HEATR5A: variants seen among roughly 807,000 people sequenced by gnomAD.
HEATR5A encodes HEAT repeat containing 5A.
Under a neutral mutation model 218.8 loss-of-function variants are expected in HEATR5A, and 178 were observed. The ratio of observed to expected loss-of-function variants is 0.81; its 90% CI spans 0.72 to 0.92. The LOEUF is 0.92. Ranked by LOEUF, HEATR5A falls within the 40% of genes least tolerant of loss-of-function variation. The probability of loss-of-function intolerance (pLI) is 0.00; values close to 1 mark genes in which losing one functional copy is unlikely to be tolerated. For missense variants in HEATR5A, 2,420 were observed against 2,418.9 expected (o/e 1.00, Z -0.01); for synonymous variants, 864 against 871.6 (o/e 0.99, Z 0.15).
rs1487910978 is a variant in HEATR5A at position 31,293,310 on chromosome 14, G to A, written c.6136C>T (p.Leu2046Phe). 1.3e-6 allele frequency: 2 copies of A among 1,578,842 alleles called. No individual in the cohort carries two copies. Among genetic ancestry groups the A allele is most frequent in the Non-Finnish European group, 1.7e-6 (2 of 1,168,326 alleles). The change falls in exon 36 of 36, where the codon CTC (leucine) becomes TTC (phenylalanine). Residue 2046 changes from leucine to phenylalanine, a missense_variant. Leu to Phe is a conservative substitution (Grantham distance 22, BLOSUM62 0). Coordinates refer to ENST00000543095, the MANE Select transcript of HEATR5A (RefSeq NM_015473.4). The part of the protein sequence containing the change: ...NSSIQLKTSF[L>F] ...TTACTATTCCAAAAAAAAAATCAGA[G>A]GAAACTGGTCTTTAATTGGATGCTT...
chr14:31,298,717 G>A (rs1258383342), intron 33 of HEATR5A, among the ~76,000 whole-genome samples: 1 of 152,050 alleles, frequency 6.6e-6, no homozygotes, highest in Non-Finnish European at 1.5e-5. Flanking sequence ...TGCCTAGACA[G>A]GGACGCTGCT....
intron 21 of HEATR5A, among the ~76,000 whole-genome samples, chr14:31,341,229 C>T (rs8008358): frequency 0.86 from 130,423 of 152,096 alleles, 56,615 homozygotes; most frequent in Non-Finnish European, 0.94. Context: ...TACTTCAGAT[C>T]TTCTCACTTG....
chr14:31,377,847 G>A (rs1041754883), intron 11 of HEATR5A, among the ~76,000 whole-genome samples: 1 of 152,044 alleles, frequency 6.6e-6, no homozygotes, highest in Admixed American at 6.6e-5. Flanking sequence ...TAAGAAAAAT[G>A]AATAAAACCC....
chr14:31,341,636 T>C (rs1387658726), intron 21 of HEATR5A, among the ~76,000 whole-genome samples: 1 of 152,130 alleles, frequency 6.6e-6, no homozygotes, highest in East Asian at 1.9e-4. Flanking sequence ...TGGGCTCAAA[T>C]GATCCTTCTA....
At chr14:31,339,482 C>T (rs1237943776) in intron 21 of HEATR5A, among the ~76,000 whole-genome samples, 1 of 131,012 alleles carries the variant, frequency 7.6e-6, no homozygotes, top group East Asian at 2.3e-4. Context: ...AAAGAATGTA[C>T]AAGAAGAAAC....
chr14:31,393,199 T>A (rs1281595998), intron 6 of HEATR5A, among the ~76,000 whole-genome samples: 3 of 151,912 alleles, frequency 2.0e-5, no homozygotes, highest in Non-Finnish European at 4.4e-5. Flanking sequence ...ACAATTACTT[T>A]AAAAAAAATA....
At chr14:31,402,350 G>A (rs1200980998) in intron 2 of HEATR5A, among the ~76,000 whole-genome samples, 2 of 152,162 alleles carry the variant, frequency 1.3e-5, no homozygotes. Context: ...GTTACTAATT[G>A]CTGAATGTAG....
At chr14:31,370,006 A>T (rs1408423548) in intron 13 of HEATR5A, among the ~76,000 whole-genome samples, 1 of 151,062 alleles carries the variant, frequency 6.6e-6, no homozygotes, top group Non-Finnish European at 1.5e-5. Flanking sequence ...AGACAGGCGG[A>T]TAACGGTCAG....
intron 13 of HEATR5A, 62 bp downstream of exon 13, chr14:31,371,748 T>G (rs779218410): frequency 7.2e-5 from 49 of 676,538 alleles, no homozygotes; most frequent in Middle Eastern, 2.5e-4. Context: ...GCCTTATTAA[T>G]GTACTTAAGG....
chr14:31,309,796 G>C (rs1899678235), intron 28 of HEATR5A, among the ~76,000 whole-genome samples: 1 of 151,342 alleles, frequency 6.6e-6, no homozygotes, highest in Admixed American at 6.6e-5. Flanking sequence ...TCTGACTTCT[G>C]GGTTCAAGCG....
chr14:31,380,772 A>G (rs2029946446), intron 10 of HEATR5A, among the ~76,000 whole-genome samples, 194 bp from the exon 11 acceptor site: 1 of 152,268 alleles, frequency 6.6e-6, no homozygotes, highest in Non-Finnish European at 1.5e-5. Flanking sequence ...TCAAGGTTAA[A>G]TACTGGTATA....
At chr14:31,332,911 G>A (rs970167399) in intron 22 of HEATR5A, among the ~76,000 whole-genome samples, 11 of 151,624 alleles carry the variant, frequency 7.3e-5, no homozygotes, top group African/African-American at 1.5e-4. Flanking sequence ...GCTTGAACCC[G>A]GAAGACGGAG....
rs2139113463 is a variant in HEATR5A at position 31,292,437 on chromosome 14, A to AG, written c.*867_*868insC. 6.6e-6 allele frequency: 1 copy of AG among 152,352 alleles called. No individual in the cohort carries two copies. The highest frequency in any genetic ancestry group is 2.4e-5 in the African/African-American group (1 of 41,596). The allele number at this position is 152,352 out of a possible 1,614,324, so 9.4% of individuals were successfully genotyped here. A position where few individuals can be genotyped will look rare whatever the true frequency, so the allele number is the denominator to read the frequency against. The stretch of plus-strand genomic sequence containing the variant: ...TGGAAAACCATGATATAGACACCAA[A>AG]TCTTATGTTGCACTGTAAGGCTGTA... On this transcript the variant is annotated 3_prime_UTR_variant, in exon 36 of 36. Transcript: ENST00000543095.
In HEATR5A at chr14:31,333,996, C is replaced by T. The variant is rs147977789; in HGVS notation, c.3367+3480G>A. On this transcript the variant is annotated intron_variant, in intron 22 of 35. Coordinates refer to ENST00000543095, the MANE Select transcript of HEATR5A (RefSeq NM_015473.4). ...GAGGCTGAAGTGAGCCCAGGTCGTG[C>T]CACTGCACTCCAGCCAGGGCGACAG... Among the ~76,000 whole-genome samples the T allele has an allele frequency of 4.9e-5, 7 of 141,902 alleles. No individual in the cohort carries two copies. The East Asian group carries it at 1.5e-3, about 30-fold the overall frequency. The allele number at this position is 141,902 out of a possible 152,430, so 93.1% of individuals were successfully genotyped here. A position where few individuals can be genotyped will look rare whatever the true frequency, so the allele number is the denominator to read the frequency against.
chr14:31,392,656 A>AT (rs1250990877), intron 6 of HEATR5A, among the ~76,000 whole-genome samples: 1 of 152,142 alleles, frequency 6.6e-6, no homozygotes, highest in African/African-American at 2.4e-5. Flanking sequence ...TGTCTATCTG[A>AT]TATCTCTATT....
chr14:31,364,153 C>G (rs756419302), intron 14 of HEATR5A, 36 bp downstream of exon 14: 50 of 887,998 alleles, frequency 5.6e-5, no homozygotes, highest in Non-Finnish European at 8.3e-5. Flanking sequence ...CCATACTAGC[C>G]ACAAACAAAA....
At chr14:31,298,814 TAAAAA>T (rs34486823) in intron 33 of HEATR5A, among the ~76,000 whole-genome samples, 47 of 151,764 alleles carry the variant, frequency 3.1e-4, no homozygotes, top group African/African-American at 1.1e-3. Flanking sequence ...AATGTCACCT[TAAAAA>T]AAAGTTATCC....
intron 4 of HEATR5A, among the ~76,000 whole-genome samples, chr14:31,397,404 T>G (rs1156305552): frequency 6.6e-6 from 1 of 152,042 alleles, no homozygotes; most frequent in Non-Finnish European, 1.5e-5. Context: ...ATGCCTGTAA[T>G]CCTAGCACTT....
chr14:31,383,695 G>A lies in HEATR5A; in HGVS notation c.1422C>T (p.His474=), dbSNP rs1382927192. Residue 474 remains histidine (H), a synonymous_variant, in exon 10 of 36, where the codon CAC becomes CAT. Transcript: ENST00000543095. ...SVRLAAAWCL[H]CIAVALPSYL... is the part of the protein sequence containing the mutation. ...AGGAGGGTAATGCCACGGCAATGCA[G>A]TGTAAACACCAAGCTGCTGCTAGTC... is the stretch of plus-strand genomic sequence containing the variant. The A allele has an allele frequency of 6.2e-7, 1 of 1,613,926 alleles. No homozygotes were observed. Among genetic ancestry groups the A allele is most frequent in the South Asian group, 1.1e-5 (1 of 91,088 alleles).
Sources: allele counts gnomAD v4.1 joint callset (sites outside exome capture counted in the v4.1 genomes callset), GRCh38; gene constraint gnomAD v4.1.1; transcripts MANE v1.5; gene names NCBI Gene and HGNC (gene_info 2026-07-23, HGNC 2026-07-21).